Variants in CPVL observed in about 807,000 individuals in gnomAD.
The protein encoded by CPVL is probable serine carboxypeptidase CPVL.
A neutral mutation model predicts 63.7 loss-of-function variants in CPVL; 51 were observed. The observed-to-expected ratio is 0.80, with a 90% confidence interval of 0.64 to 1.01. CPVL has a LOEUF of 1.01. Ranked by LOEUF, CPVL falls within the 50% of genes least tolerant of loss-of-function variation. The probability of loss-of-function intolerance (pLI) is 0.00; values close to 1 mark genes in which losing one functional copy is unlikely to be tolerated. For synonymous variants in CPVL, 195 were observed against 206.0 expected (o/e 0.95, Z 0.46); for missense variants, 530 against 573.1 (o/e 0.92, Z 0.77).
chr7:29,096,051 A>G, intron 4 of CPVL, 52 bp downstream of exon 4: 1 of 1,380,872 alleles, frequency 7.2e-7, no homozygotes. Flanking sequence ...TGGAGCAGGT[A>G]TGAGGCTCAG....
At chr7:29,152,965 C>G (rs1793811999) in intron 5 of CPVL, among the ~76,000 whole-genome samples, 2 of 152,224 alleles carry the variant, frequency 1.3e-5, no homozygotes, top group African/African-American at 2.4e-5. Flanking sequence ...GAGTCATCCT[C>G]TATCTGAGGG....
At chr7:29,106,830 C>T (rs144944087) in intron 3 of CPVL, among the ~76,000 whole-genome samples, 6 of 152,268 alleles carry the variant, frequency 3.9e-5, no homozygotes, top group Admixed American at 1.3e-4. Context: ...TATCTAATGC[C>T]GCACAACATC....
rs1783106772 is a variant in CPVL at position 29,066,060 on chromosome 7, G to A, written c.926C>T (p.Thr309Ile). 1 of 1,608,412 alleles carries A rather than the reference G, an allele frequency of 6.2e-7. No individual in the cohort carries two copies. The highest frequency in any genetic ancestry group is 1.3e-5 in the African/African-American group (1 of 74,688). ...TSDPSYFQNVTGCSNYYNFLR... is the reference protein window; with the variant it reads ...TSDPSYFQNVIGCSNYYNFLR... ...AAAGTTATAGTAATTACTACATCCT[G>A]TAACATTCTGGAAGTAAGAAGGATC... The change falls in exon 10 of 13, where the codon ACA (threonine) becomes ATA (isoleucine). Residue 309 changes from threonine to isoleucine, a missense_variant. Coordinates refer to ENST00000265394, the MANE Select transcript of CPVL (RefSeq NM_031311.5).
intron 1 of CPVL, among the ~76,000 whole-genome samples, chr7:29,135,354 C>T (rs558531710): frequency 4.7e-5 from 7 of 149,796 alleles, no homozygotes; most frequent in African/African-American, 1.5e-4. Context: ...TTTTTTGAGA[C>T]GGAGTCTTGC....
At chr7:29,113,083 G>GT (rs902504290) in intron 2 of CPVL, among the ~76,000 whole-genome samples, 2 of 151,506 alleles carry the variant, frequency 1.3e-5, no homozygotes, top group African/African-American at 2.4e-5. Context: ...CTGTAATAAG[G>GT]TTTTTTTTAA....
chr7:29,069,204 C>A (rs148005846), intron 9 of CPVL, among the ~76,000 whole-genome samples: 15,192 of 151,206 alleles, frequency 0.1, 2,556 homozygotes, highest in African/African-American at 0.35. Context: ...CTTTGGAAGG[C>A]CGAGGCGGGC....
intron 1 of CPVL, among the ~76,000 whole-genome samples, chr7:29,138,601 C>T (rs77228447): frequency 0.027 from 4,057 of 152,070 alleles, 149 homozygotes; most frequent in African/African-American, 0.088. Flanking sequence ...AAGAGAGAGA[C>T]CCAGATCCCT....
At chr7:29,147,850 A>G (rs901219201), upstream of CPVL, among the ~76,000 whole-genome samples, 1 of 152,252 alleles carries the variant, frequency 6.6e-6, no homozygotes, top group Non-Finnish European at 1.5e-5. Context: ...AATAAGTTCT[A>G]CCTTCCTACC....
At chr7:29,040,291 T>C (rs147587928) in intron 11 of CPVL, among the ~76,000 whole-genome samples, 371 of 152,364 alleles carry the variant, frequency 2.4e-3, no homozygotes, top group South Asian at 3.7e-3. Flanking sequence ...TTCACTATTA[T>C]CCAGCTCAAC....
chr7:29,042,335 G>C (rs554385366), intron 11 of CPVL, among the ~76,000 whole-genome samples: 5 of 152,240 alleles, frequency 3.3e-5, no homozygotes, highest in African/African-American at 1.2e-4. Context: ...AGGTGCCATG[G>C]CTCACACCTT....
chr7:29,103,816 A>G (rs1464686026), intron 3 of CPVL, among the ~76,000 whole-genome samples: 1 of 152,246 alleles, frequency 6.6e-6, no homozygotes, highest in Non-Finnish European at 1.5e-5. Context: ...AAGTGCAATT[A>G]GTAAATTAAT....
chr7:28,994,712 C>T (rs1783920449), downstream of CPVL, among the ~76,000 whole-genome samples: 1 of 152,160 alleles, frequency 6.6e-6, no homozygotes, highest in Non-Finnish European at 1.5e-5. Flanking sequence ...GATCACAAAC[C>T]TGAACGTAAT....
chr7:29,011,249 C>G (rs898327216), intron 12 of CPVL: 1 of 152,184 alleles, frequency 6.6e-6, no homozygotes, highest in African/African-American at 2.4e-5. Flanking sequence ...TCTGGTGCAG[C>G]CTGTGGACTA....
intron 1 of CPVL, among the ~76,000 whole-genome samples, chr7:29,136,436 C>T (rs1266598788): frequency 6.6e-6 from 1 of 152,070 alleles, no homozygotes; most frequent in Non-Finnish European, 1.5e-5. Flanking sequence ...ATTATATCAC[C>T]ATTTGGACAG....
In CPVL at chr7:29,064,343, G is replaced by A. The variant is rs559565059; in HGVS notation, c.964-109C>T. ...AACATACAACATGGAGAAACGTGAC[G>A]GGACTATTAACTTGTCGCCATTCTT... On this transcript the variant is annotated intron_variant, in intron 10 of 12. Transcript: ENST00000265394. The A allele has an allele frequency of 1.9e-4, 114 of 610,696 alleles. 1 individual carries two copies. The East Asian group carries it at 1.9e-3, about 10-fold the overall frequency. 37.8% of individuals were successfully genotyped at this position (610,696 alleles called of 1,614,324 possible). A position where few individuals can be genotyped will look rare whatever the true frequency, so the allele number is the denominator to read the frequency against.
chr7:29,157,363 A>G (rs1794536844), intron 5 of CPVL, among the ~76,000 whole-genome samples: 3 of 152,054 alleles, frequency 2.0e-5, no homozygotes, highest in Admixed American at 2.0e-4. Flanking sequence ...GGTTTAGGGC[A>G]CTACATAGCT....
chr7:29,126,975 C>T (rs927754740), intron 1 of CPVL: 6 of 152,214 alleles, frequency 3.9e-5, no homozygotes, highest in African/African-American at 1.4e-4. Flanking sequence ...GGCACTGAGA[C>T]ACGCCTATCT....
intron 12 of CPVL, among the ~76,000 whole-genome samples, chr7:29,014,571 G>A (rs555523260): frequency 2.6e-4 from 39 of 152,104 alleles, no homozygotes; most frequent in Middle Eastern, 6.8e-3. Context: ...TGAACTCCTG[G>A]GCTCAAGCGA....
Position 29,028,929 on chromosome 7 carries a change from G to A in CPVL, c.1320+1648C>T, listed in dbSNP as rs532912085. On this transcript the variant is annotated intron_variant, in intron 12 of 12. Transcript: ENST00000265394. ...GCAGTGAGCCGAGAGATCCTGCCAC[G>A]GCACTCCAGCCTGGGCAACAGAGCA... Among the ~76,000 whole-genome samples the A allele has an allele frequency of 1.9e-3, 271 of 146,124 alleles. 1 individual carries two copies. Among genetic ancestry groups the A allele is most frequent in the Middle Eastern group, 3.9e-3 (1 of 256 alleles).
Sources: allele counts gnomAD v4.1 joint callset (sites outside exome capture counted in the v4.1 genomes callset), GRCh38; gene constraint gnomAD v4.1.1; transcripts MANE v1.5; gene names NCBI Gene and HGNC (gene_info 2026-07-23, HGNC 2026-07-21).